Variants in MYO5B observed in about 807,000 individuals in gnomAD.
The protein encoded by MYO5B is unconventional myosin-Vb.
A neutral mutation model predicts 229.3 loss-of-function variants in MYO5B; 143 were observed. The ratio of observed to expected loss-of-function variants is 0.62; its 90% CI spans 0.54 to 0.72. The LOEUF (loss-of-function observed/expected upper bound fraction) is 0.72, where lower values mean the gene tolerates loss of function less well. Ranked by LOEUF, MYO5B falls within the 30% of genes least tolerant of loss-of-function variation. The pLI, the probability that MYO5B is intolerant of heterozygous loss-of-function variation, is 0.00. For synonymous variants in MYO5B, 918 were observed against 885.2 expected (o/e 1.04, Z -0.66); for missense variants, 2,321 against 2,331.0 (o/e 1.00, Z 0.09).
intron 8 of MYO5B, 49 bp from the exon 9 acceptor site, chr18:49,980,602 G>A: frequency 1.4e-6 from 2 of 1,383,460 alleles, no homozygotes; most frequent in Non-Finnish European, 2.1e-6. Context: ...TGGTCGGACA[G>A]AAAGGACATT....
intron 5 of MYO5B, among the ~76,000 whole-genome samples, chr18:49,996,834 CGGGG>C (rs1568063846): frequency 6.6e-6 from 1 of 152,012 alleles, no homozygotes; most frequent in East Asian, 1.9e-4. Flanking sequence ...GACAAAGGGA[CGGGG>C]TTATGTTACA....
Position 49,837,725 on chromosome 18 carries a change from T to C in MYO5B, c.4930A>G (p.Ser1644Gly), listed in dbSNP as rs751241323. ...KPTGYRKRSS[S>G]MADGDNSYCL... Reference sequence around the variant, plus strand: ...TATGAGTTATCCCCATCTGCCATGCTGGAGGAGCGCTTCCGGTAGCCGGTG... The same window carrying C: ...TATGAGTTATCCCCATCTGCCATGCCGGAGGAGCGCTTCCGGTAGCCGGTG... Residue 1644 changes from serine (S) to glycine (G), a missense_variant, in exon 37 of 40, where the codon AGC becomes GGC. Coordinates refer to ENST00000285039, the MANE Select transcript of MYO5B (RefSeq NM_001080467.3). 1 of 1,614,222 alleles carries C rather than the reference T, an allele frequency of 6.2e-7. No individual in the cohort carries two copies. Among genetic ancestry groups the C allele is most frequent in the South Asian group, 1.1e-5 (1 of 91,086 alleles).
rs557019166 is a variant in MYO5B at position 50,175,958 on chromosome 18, T to C, written c.27+18809A>G. Among the ~76,000 whole-genome samples, 307 of 152,336 alleles carry C rather than the reference T, an allele frequency of 2.0e-3. 1 individual carries two copies. The highest frequency in any genetic ancestry group is 3.9e-3 in the Non-Finnish European group (264 of 68,016). ...TGGAAGAACTCAGAGAGGAAATACA[T>C]GAATTCCACATGACAGCCCTGCAGT... On this transcript the variant is annotated intron_variant, in intron 1 of 39. Transcript: ENST00000285039.
intron 4 of MYO5B, among the ~76,000 whole-genome samples, chr18:50,015,748 G>C (rs1432138744): frequency 6.6e-6 from 1 of 152,190 alleles, no homozygotes; most frequent in Non-Finnish European, 1.5e-5. Context: ...ATCGAGGTGA[G>C]CAAGCACCTC....
chr18:49,854,609 C>A (rs1434986247), intron 30 of MYO5B, among the ~76,000 whole-genome samples: 1 of 152,166 alleles, frequency 6.6e-6, no homozygotes, highest in Non-Finnish European at 1.5e-5. Flanking sequence ...AAAGAGCTTC[C>A]AGACATGGTT....
intron 20 of MYO5B, 128 bp from the exon 21 acceptor site, chr18:49,902,961 G>A: frequency 1.7e-6 from 2 of 1,195,042 alleles, no homozygotes; most frequent in South Asian, 2.8e-5. Flanking sequence ...CACAGACAAT[G>A]TGCCCCCTAA....
At chr18:49,951,103 G>T (rs186689279) in intron 14 of MYO5B, among the ~76,000 whole-genome samples, 1 of 152,280 alleles carries the variant, frequency 6.6e-6, no homozygotes. Context: ...CATGTCAAAA[G>T]AAGTGTCATG....
intron 29 of MYO5B, among the ~76,000 whole-genome samples, chr18:49,857,425 C>T (rs1412806834): frequency 9.2e-5 from 14 of 152,228 alleles, no homozygotes; most frequent in Non-Finnish European, 2.9e-5. Context: ...CCCTGGGGGA[C>T]GTCAGGCCCA....
At chr18:50,006,859 G>A (rs1239833738) in intron 4 of MYO5B, among the ~76,000 whole-genome samples, 4 of 152,142 alleles carry the variant, frequency 2.6e-5, no homozygotes, top group African/African-American at 7.2e-5. Flanking sequence ...ATCCCACTAA[G>A]TGTTATCTTG....
At chr18:50,076,270 A>T (rs1409887946) in intron 1 of MYO5B, among the ~76,000 whole-genome samples, 1 of 152,184 alleles carries the variant, frequency 6.6e-6, no homozygotes, top group Non-Finnish European at 1.5e-5. Context: ...AACTGTACGG[A>T]AAGTGAGCTG....
intron 1 of MYO5B, among the ~76,000 whole-genome samples, chr18:50,076,783 A>G (rs2031088289): frequency 6.6e-6 from 1 of 152,160 alleles, no homozygotes; most frequent in Non-Finnish European, 1.5e-5. Context: ...TGTGTCTCTC[A>G]ATTGTTCAGA....
chr18:49,841,752 G>C (rs1198394264), intron 34 of MYO5B, among the ~76,000 whole-genome samples: 1 of 152,224 alleles, frequency 6.6e-6, no homozygotes, highest in African/African-American at 2.4e-5. Flanking sequence ...TGAATGCAAA[G>C]CTGAGTGACA....
At position 49,895,127 on chromosome 18, in the gene MYO5B, T is replaced by G. The variant is rs774931127; in HGVS notation, c.2859A>C (p.Ser953=). 1 of 1,613,978 alleles carries G rather than the reference T, an allele frequency of 6.2e-7. No individual in the cohort carries two copies. The change falls in exon 22 of 40, where the codon TCA becomes TCC. Residue 953 remains serine (S), a synonymous_variant. Transcript: ENST00000285039. ...TLSEQLSVTT[S]TYTMEVERLK... The stretch of plus-strand genomic sequence containing the variant: ...GCCGCTCTACCTCCATGGTGTATGT[T>G]GAGGTGGTCACGGACAACTGCTCTG...
intron 1 of MYO5B, among the ~76,000 whole-genome samples, chr18:50,135,957 CAG>C (rs1345766372): frequency 1.3e-5 from 2 of 152,212 alleles, no homozygotes; most frequent in South Asian, 2.1e-4. Flanking sequence ...ACTCGTGAGA[CAG>C]AGAGTGTTCG....
chr18:50,189,622 T>C lies in MYO5B; in HGVS notation c.27+5145A>G, dbSNP rs1033088. On this transcript the variant is annotated intron_variant, in intron 1 of 39. Coordinates refer to ENST00000285039, the MANE Select transcript of MYO5B (RefSeq NM_001080467.3). ...AGGGAAGGGAGTAAGGGGGAAACAATAGGAGCACTAACAGCATCTGCTGAC... is the reference window on the plus strand; with the variant it reads ...AGGGAAGGGAGTAAGGGGGAAACAACAGGAGCACTAACAGCATCTGCTGAC... Among the ~76,000 whole-genome samples, 1,497 of 152,132 alleles carry C rather than the reference T, an allele frequency of 9.8e-3. 25 individuals are homozygous for C. Among genetic ancestry groups the C allele is most frequent in the African/African-American group, 0.031 (1,299 of 41,486 alleles).
rs182330618 is a variant in MYO5B, at chr18:49,934,724, A to G, written c.2003+1528T>C. On this transcript the variant is annotated intron_variant, in intron 16 of 39. Coordinates refer to ENST00000285039, the MANE Select transcript of MYO5B (RefSeq NM_001080467.3). The stretch of plus-strand genomic sequence containing the variant: ...TCCTAAGCATGTCTCAGAGATTTGG[A>G]GGAAGGGAAGAGCAAGCAAGCAGCA... 1.7e-3 allele frequency among the ~76,000 whole-genome samples: 254 copies of G among 152,310 alleles called. 1 individual carries two copies. Among genetic ancestry groups the G allele is most frequent in the African/African-American group, 5.7e-3 (236 of 41,576 alleles).
chr18:49,895,761 C>T (rs1231099058), intron 21 of MYO5B, among the ~76,000 whole-genome samples: 1 of 152,206 alleles, frequency 6.6e-6, no homozygotes, highest in African/African-American at 2.4e-5. Flanking sequence ...CTGACCCACC[C>T]TGCCCAAACC....
intron 21 of MYO5B, among the ~76,000 whole-genome samples, chr18:49,897,641 T>A (rs1408870892): frequency 6.6e-6 from 1 of 152,178 alleles, no homozygotes; most frequent in Admixed American, 6.5e-5. Context: ...GAGTTGTACA[T>A]GTTTGTGTTT....
At chr18:49,848,929 T>C (rs2024165339) in intron 32 of MYO5B, among the ~76,000 whole-genome samples, 1 of 151,600 alleles carries the variant, frequency 6.6e-6, no homozygotes, top group Non-Finnish European at 1.5e-5. Flanking sequence ...AACACACAAG[T>C]GGGGTCAGGA....
Sources: gnomAD v4.1 joint callset for allele counts (sites outside exome capture counted in the v4.1 genomes callset) on GRCh38, gnomAD v4.1.1 for gene constraint, MANE v1.5 for transcripts, NCBI Gene and HGNC (gene_info 2026-07-23, HGNC 2026-07-21) for gene names.